The following SNCB variants were observed in gnomAD, a reference collection of about 807,000 sequenced individuals.
The protein encoded by SNCB is beta-synuclein.
In SNCB, 8 loss-of-function variants were observed where a neutral mutation model predicts 20.0. That is an observed-to-expected ratio of 0.40 (90% CI 0.24 to 0.72). The LOEUF (loss-of-function observed/expected upper bound fraction) is 0.72, where lower values mean the gene tolerates loss of function less well. SNCB is among the 30% of genes least tolerant of loss of function. The probability of loss-of-function intolerance (pLI) is 0.37; values close to 1 mark genes in which losing one functional copy is unlikely to be tolerated. For synonymous variants in SNCB, 56 were observed against 65.4 expected (o/e 0.86, Z 0.69); for missense variants, 125 against 168.0 (o/e 0.74, Z 1.41).
chr5:176,629,803 T>G lies in SNCB; in HGVS notation c.-9-140A>C. 8.2e-7 allele frequency: 1 copy of G among 1,215,396 alleles called. No homozygotes were observed. The highest frequency in any genetic ancestry group is 1.1e-6 in the Non-Finnish European group (1 of 893,722). 75.3% of individuals were successfully genotyped at this position (1,215,396 alleles called of 1,614,324 possible). On this transcript the variant is annotated intron_variant, in intron 1 of 5. Coordinates refer to ENST00000393693, the MANE Select transcript of SNCB (RefSeq NM_003085.5). This position sits in a 1 kb window ranked among gnomAD's most constrained non-coding sequence, Gnocchi z 4.1. Reference sequence around the variant, plus strand: ...TGAGCCCCCTCCCGCTTTCCCCCCATCCCACCCCACTCCCCAGTGCGAAGC... The same window carrying G: ...TGAGCCCCCTCCCGCTTTCCCCCCAGCCCACCCCACTCCCCAGTGCGAAGC...
intron 2 of SNCB, among the ~76,000 whole-genome samples, chr5:176,628,324 A>G (rs1760103723): frequency 6.6e-6 from 1 of 152,052 alleles, no homozygotes; most frequent in African/African-American, 2.4e-5. Context: ...CAGAGCTGGG[A>G]TCAAGCAGCC....
In SNCB at chr5:176,621,557, G is replaced by A. The variant is rs1759602836; in HGVS notation, c.283-254C>T. Among the ~76,000 whole-genome samples, 1 of 152,230 alleles carries A rather than the reference G, an allele frequency of 6.6e-6. No homozygotes were observed. The highest frequency in any genetic ancestry group is 2.4e-5 in the African/African-American group (1 of 41,468). ...TCTCCACGCCGCTCCCCCAATGCCT[G>A]GCAGCCTCCACACTTCCACCATTTG... On this transcript the variant is annotated intron_variant, in intron 4 of 5. Coordinates refer to ENST00000393693, the MANE Select transcript of SNCB (RefSeq NM_003085.5). The surrounding 1 kb of genome is among the most constrained non-coding windows in gnomAD (Gnocchi z 4.1).
intron 4 of SNCB, among the ~76,000 whole-genome samples, chr5:176,623,126 G>A (rs377566801): frequency 1.1e-4 from 17 of 152,154 alleles, no homozygotes; most frequent in Non-Finnish European, 2.9e-5. Flanking sequence ...GCTCACGCCC[G>A]TTACCACTCC....
rs1190838724 is a variant in SNCB, at chr5:176,620,863, G to A, written c.373-20C>T. ...TTCCTCCTGCATCACCGGGATGGGGGTGGAGTAGAGAAGAGCAAAAAGGAG... is the reference window on the plus strand; with the variant it reads ...TTCCTCCTGCATCACCGGGATGGGGATGGAGTAGAGAAGAGCAAAAAGGAG... On this transcript the variant is annotated intron_variant, in intron 5 of 5. Transcript: ENST00000393693. The surrounding 1 kb of genome is among the most constrained non-coding windows in gnomAD (Gnocchi z 4.5). 1.2e-6 allele frequency: 2 copies of A among 1,612,464 alleles called. No individual in the cohort carries two copies. Among genetic ancestry groups the A allele is most frequent in the South Asian group, 2.2e-5 (2 of 91,048 alleles).
intron 4 of SNCB, among the ~76,000 whole-genome samples, chr5:176,623,913 C>G (rs1010587619): frequency 4.6e-5 from 7 of 152,182 alleles, no homozygotes; most frequent in Non-Finnish European, 7.3e-5. Flanking sequence ...TGCTTCTAAT[C>G]TCAGCAGCCT....
chr5:176,624,457 T>A (rs905390671), intron 4 of SNCB, among the ~76,000 whole-genome samples: 1 of 152,194 alleles, frequency 6.6e-6, no homozygotes, highest in African/African-American at 2.4e-5. Flanking sequence ...TGCCTGCTCA[T>A]GAAAGAGATC....
chr5:176,629,430 CAT>C lies in SNCB; in HGVS notation c.121+102_121+103del. The C allele has an allele frequency of 7.8e-7, 1 of 1,281,174 alleles. No individual in the cohort carries two copies. Among genetic ancestry groups the C allele is most frequent in the Non-Finnish European group, 1.1e-6 (1 of 908,176 alleles). The allele number at this position is 1,281,174 out of a possible 1,614,324, so 79.4% of individuals were successfully genotyped here. A position where few individuals can be genotyped will look rare whatever the true frequency, so the allele number is the denominator to read the frequency against. On this transcript the variant is annotated intron_variant, in intron 2 of 5. Transcript: ENST00000393693. This position sits in a 1 kb window ranked among gnomAD's most constrained non-coding sequence, Gnocchi z 4.1. ...GCTGACCTCGCCCCATCTGCTGACT[CAT>C]ATTCTCCTGCCCAGAACCCCCCTCC...
At position 176,629,173 on chromosome 5, in the gene SNCB, G is replaced by A. The variant is rs540049425; in HGVS notation, c.121+361C>T. Among the ~76,000 whole-genome samples the A allele has an allele frequency of 4.9e-4, 74 of 152,288 alleles. No individual in the cohort carries two copies. The highest frequency in any genetic ancestry group is 8.4e-4 in the Non-Finnish European group (57 of 68,026). On this transcript the variant is annotated intron_variant, in intron 2 of 5. Transcript: ENST00000393693. The surrounding 1 kb of genome is among the most constrained non-coding windows in gnomAD (Gnocchi z 4.1). Reference sequence around the variant, plus strand: ...AGAATGGGCCGAAGCATTACATGAGGAAATGGATGTTATGACATTTTACCC... The same window carrying A: ...AGAATGGGCCGAAGCATTACATGAGAAAATGGATGTTATGACATTTTACCC...
At chr5:176,622,830 G>A (rs1239585461) in intron 4 of SNCB, among the ~76,000 whole-genome samples, 1 of 149,932 alleles carries the variant, frequency 6.7e-6, no homozygotes, top group East Asian at 2.0e-4. Context: ...TCAGCCTCCT[G>A]GGTTCCAGCG....
Position 176,621,268 on chromosome 5 carries a change from T to C in SNCB, c.318A>G (p.Pro106=). 6.2e-7 allele frequency: 1 copy of C among 1,613,726 alleles called. No homozygotes were observed. Among genetic ancestry groups the C allele is most frequent in the Non-Finnish European group, 8.5e-7 (1 of 1,179,924 alleles). ...CTGGCTCCATCAGGGGCTCAATCAG[T>C]GGTTCTTCAGCAGCTTCCTGGGCCA... ...EEVAQEAAEE[P]LIEPLMEPEG... Residue 106 remains proline (P), a synonymous_variant, in exon 5 of 6, where the codon CCA becomes CCG. Coordinates refer to ENST00000393693, the MANE Select transcript of SNCB (RefSeq NM_003085.5). The surrounding 1 kb of genome is among the most constrained non-coding windows in gnomAD (Gnocchi z 4.1).
In SNCB at chr5:176,629,740, C is replaced by A. The variant is rs369984027; in HGVS notation, c.-9-77G>T. ...CAGCCCCTCCCGCGGGACGCAGATG[C>A]CCCCCTACTCCCGAGACCGCGGCGC... On this transcript the variant is annotated intron_variant, in intron 1 of 5. Transcript: ENST00000393693. The surrounding 1 kb of genome is among the most constrained non-coding windows in gnomAD (Gnocchi z 4.1). 11 of 1,532,820 alleles carry A rather than the reference C, an allele frequency of 7.2e-6. No individual in the cohort carries two copies. Among genetic ancestry groups the A allele is most frequent in the African/African-American group, 2.7e-5 (2 of 73,490 alleles). The allele number at this position is 1,532,820 out of a possible 1,614,324, so 95.0% of individuals were successfully genotyped here.
At chr5:176,628,302 C>T (rs1407491399) in intron 2 of SNCB, among the ~76,000 whole-genome samples, 1 of 152,046 alleles carries the variant, frequency 6.6e-6, no homozygotes, top group African/African-American at 2.4e-5. Context: ...GGGGAGGAGG[C>T]AGGAGGGAGG....
In SNCB at chr5:176,626,498, TC is replaced by T. The variant is rs1305376620; in HGVS notation, c.181del (p.Glu61AsnfsTer24). On this transcript the variant is annotated frameshift_variant, in exon 4 of 6. Coordinates refer to ENST00000393693, the MANE Select transcript of SNCB (RefSeq NM_003085.5). LOFTEE classifies it high-confidence loss of function. This position sits in a 1 kb window ranked among gnomAD's most constrained non-coding sequence, Gnocchi z 4.2. ...GVASVAEKTK[E>X]QASHLGGAVF... is the part of the protein sequence containing the mutation. ...AGCTCCTCCCAGATGTGAGGCCTGT[TC>T]CTTGGTTTTTTCAGCCACTGGAGCA... The T allele has an allele frequency of 1.2e-6, 2 of 1,613,882 alleles. No homozygotes were observed. The highest frequency in any genetic ancestry group is 1.7e-6 in the Non-Finnish European group (2 of 1,179,940).
At chr5:176,622,637 C>T (rs1759671878) in intron 4 of SNCB, among the ~76,000 whole-genome samples, 1 of 151,500 alleles carries the variant, frequency 6.6e-6, no homozygotes, top group Non-Finnish European at 1.5e-5. Context: ...GAATGAAGAA[C>T]AACAATGCAT....
At position 176,630,267 on chromosome 5, in the gene SNCB, GCGGCCGCCTCA is replaced by G. The variant is rs1760302119; in HGVS notation, c.-10+2_-10+12del. ...TCATCCCGTTCCCCATCCCCGGCGC[GCGGCCGCCTCA>G]CCTGGATGCGGGGCCGGGGCTGGGG... is the stretch of plus-strand genomic sequence containing the variant. On this transcript the variant is annotated splice_donor_variant and splice_donor_5th_base_variant and intron_variant, in intron 1 of 5. Coordinates refer to ENST00000393693, the MANE Select transcript of SNCB (RefSeq NM_003085.5). LOFTEE classifies it low-confidence loss of function (5UTR_SPLICE). 1 of 152,364 alleles carries G rather than the reference GCGGCCGCCTCA, an allele frequency of 6.6e-6. No individual in the cohort carries two copies. Among genetic ancestry groups the G allele is most frequent in the Non-Finnish European group, 1.5e-5 (1 of 68,172 alleles). 9.4% of individuals were successfully genotyped at this position (152,364 alleles called of 1,614,324 possible).
Position 176,620,807 on chromosome 5 carries a change from G to A in SNCB, c.*4C>T, listed in dbSNP as rs1373475129. 2 of 1,612,810 alleles carry A rather than the reference G, an allele frequency of 1.2e-6. No homozygotes were observed. The highest frequency in any genetic ancestry group is 1.7e-6 in the Non-Finnish European group (2 of 1,178,830). Reference sequence around the variant, plus strand: ...GTGCTGCTGGTGGGGGCTCTCCTGGGCCCCTACGCCTCTGGCTCATACTCC... The same window carrying A: ...GTGCTGCTGGTGGGGGCTCTCCTGGACCCCTACGCCTCTGGCTCATACTCC... On this transcript the variant is annotated 3_prime_UTR_variant, in exon 6 of 6. Transcript: ENST00000393693. This position sits in a 1 kb window ranked among gnomAD's most constrained non-coding sequence, Gnocchi z 4.5.
At chr5:176,623,794 C>G (rs1759760868) in intron 4 of SNCB, among the ~76,000 whole-genome samples, 1 of 151,986 alleles carries the variant, frequency 6.6e-6, no homozygotes, top group Non-Finnish European at 1.5e-5. Context: ...TGCTTGAGCC[C>G]AGGAGTTCCA....
chr5:176,629,639 T>C lies in SNCB; in HGVS notation c.16A>G (p.Lys6Glu), dbSNP rs749045680. 6.2e-7 allele frequency: 1 copy of C among 1,613,824 alleles called. No individual in the cohort carries two copies. Among genetic ancestry groups the C allele is most frequent in the Non-Finnish European group, 8.5e-7 (1 of 1,179,880 alleles). Residue 6 changes from lysine to glutamate, a missense_variant, in exon 2 of 6, where the codon AAG (lysine) becomes GAG (glutamate). Lys to Glu is a moderately conservative substitution (Grantham distance 56). Transcript: ENST00000393693. The surrounding 1 kb of genome is among the most constrained non-coding windows in gnomAD (Gnocchi z 4.1). Reference sequence around the variant, plus strand: ...CCCTCCTTGGCCATGGACAGGCCCTTCATGAACACGTCCATCCTGGCGGCC... The same window carrying C: ...CCCTCCTTGGCCATGGACAGGCCCTCCATGAACACGTCCATCCTGGCGGCC... MDVFM[K>E]GLSMAKEGVV...
In SNCB at chr5:176,629,694, A is replaced by G; in HGVS notation, c.-9-31T>C. 6.2e-7 allele frequency: 1 copy of G among 1,606,972 alleles called. No homozygotes were observed. The highest frequency in any genetic ancestry group is 8.5e-7 in the Non-Finnish European group (1 of 1,176,080). The stretch of plus-strand genomic sequence containing the variant: ...GAGGGCGATACACGGGCACCGGTGC[A>G]CTGGCCCCGCACTCTCACCCCAGCC... On this transcript the variant is annotated intron_variant, in intron 1 of 5. Transcript: ENST00000393693. This position sits in a 1 kb window ranked among gnomAD's most constrained non-coding sequence, Gnocchi z 4.1.
Sources: gnomAD v4.1 joint callset for allele counts (sites outside exome capture counted in the v4.1 genomes callset) on GRCh38, gnomAD v4.1.1 for gene constraint, Gnocchi (gnomAD v3.1) non-coding constraint, MANE v1.5 for transcripts, NCBI Gene and HGNC (gene_info 2026-07-23, HGNC 2026-07-21) for gene names.